GALNT13: variants seen among roughly 807,000 people sequenced by gnomAD.
The protein encoded by GALNT13 is polypeptide N-acetylgalactosaminyltransferase 13, also known as UDP-GalNAc:polypeptide N-acetylgalactosaminyltransferase 13.
Under a neutral mutation model 64.2 loss-of-function variants are expected in GALNT13, and 28 were observed. That is an observed-to-expected ratio of 0.44 (90% CI 0.32 to 0.60). GALNT13 has a LOEUF of 0.60. Ranked by LOEUF, GALNT13 falls within the 20% of genes least tolerant of loss-of-function variation. GALNT13 has a pLI of 0.05. For missense variants in GALNT13, 577 were observed against 669.8 expected (o/e 0.86, Z 1.53); for synonymous variants, 214 against 224.6 (o/e 0.95, Z 0.42).
At chr2:153,411,763 A>G in the GALNT13 span, among the ~76,000 whole-genome samples, 1 of 152,236 alleles carries the variant, frequency 6.6e-6, no homozygotes, top group Non-Finnish European at 1.5e-5. Flanking sequence ...CTGCATAAGC[A>G]TGGTAGAAAT....
the GALNT13 span, among the ~76,000 whole-genome samples, chr2:153,301,416 G>T: frequency 6.7e-6 from 1 of 150,040 alleles, no homozygotes; most frequent in African/African-American, 2.5e-5. Context: ...TTTTATTTAT[G>T]TAATTGACAA....
chr2:153,259,504 T>C, the GALNT13 span, among the ~76,000 whole-genome samples: 1 of 152,190 alleles, frequency 6.6e-6, no homozygotes, highest in Admixed American at 6.5e-5. Context: ...TCATTTTAAA[T>C]AGTAGCTCCC....
the GALNT13 span, among the ~76,000 whole-genome samples, chr2:153,854,288 TA>T: frequency 6.6e-6 from 1 of 151,606 alleles, no homozygotes; most frequent in Non-Finnish European, 1.5e-5. Context: ...TTTATATTAT[TA>T]AAAAATCAGG....
intron 3 of GALNT13, among the ~76,000 whole-genome samples, chr2:154,012,631 T>G (rs1456941652): frequency 6.6e-6 from 1 of 152,208 alleles, no homozygotes; most frequent in Non-Finnish European, 1.5e-5. Flanking sequence ...ATGAGAGAAA[T>G]TTTTGTGGAC....
chr2:153,805,102 A>T, the GALNT13 span, among the ~76,000 whole-genome samples: 1 of 152,060 alleles, frequency 6.6e-6, no homozygotes, highest in East Asian at 1.9e-4. Flanking sequence ...TATAATGTAA[A>T]TTATGAAACA....
At chr2:153,357,798 T>C in the GALNT13 span, among the ~76,000 whole-genome samples, 75 of 152,310 alleles carry the variant, frequency 4.9e-4, no homozygotes, top group Non-Finnish European at 8.5e-4. Flanking sequence ...AATTGATGCA[T>C]TTGAAAGGAA....
the GALNT13 span, among the ~76,000 whole-genome samples, chr2:153,522,772 T>A: frequency 6.6e-6 from 1 of 152,192 alleles, no homozygotes; most frequent in African/African-American, 2.4e-5. Context: ...TTAATAGATA[T>A]GTCTTTTCCA....
the GALNT13 span, among the ~76,000 whole-genome samples, chr2:153,123,302 C>T: frequency 9.9e-5 from 15 of 152,278 alleles, 1 homozygote; most frequent in South Asian, 2.7e-3. Flanking sequence ...CTTTAAACTC[C>T]TAGCCTCCAA....
chr2:154,416,644 A>G (rs994137513), intron 11 of GALNT13, among the ~76,000 whole-genome samples: 1 of 152,296 alleles, frequency 6.6e-6, no homozygotes, highest in Middle Eastern at 3.4e-3. Flanking sequence ...CACTTTGGCT[A>G]GCTTTTTGGG....
At chr2:153,194,886 G>A in the GALNT13 span, among the ~76,000 whole-genome samples, 1 of 152,330 alleles carries the variant, frequency 6.6e-6, no homozygotes, top group African/African-American at 2.4e-5. Context: ...GGCTTTAGCT[G>A]CACTTGTTAG....
the GALNT13 span, among the ~76,000 whole-genome samples, chr2:153,178,680 A>C: frequency 1.4e-5 from 2 of 140,332 alleles, no homozygotes; most frequent in Admixed American, 7.0e-5. Context: ...GTGATGTTTC[A>C]TTTCTTGTAC....
At chr2:154,021,309 A>G (rs1364360805) in intron 3 of GALNT13, among the ~76,000 whole-genome samples, 3 of 152,204 alleles carry the variant, frequency 2.0e-5, no homozygotes, top group Non-Finnish European at 2.9e-5. Flanking sequence ...CCATTTTCAC[A>G]GTATTGATTC....
At chr2:154,310,439 A>G (rs1331852652) in intron 9 of GALNT13, among the ~76,000 whole-genome samples, 2 of 152,124 alleles carry the variant, frequency 1.3e-5, no homozygotes, top group Non-Finnish European at 2.9e-5. Context: ...ACACATATTC[A>G]TATATATAAA....
At chr2:154,261,378 T>A (rs1325186849) in intron 8 of GALNT13, among the ~76,000 whole-genome samples, 1 of 152,198 alleles carries the variant, frequency 6.6e-6, no homozygotes, top group Admixed American at 6.5e-5. Context: ...ATTTTGCTTT[T>A]TATTAGACTC....
the GALNT13 span, among the ~76,000 whole-genome samples, chr2:153,791,677 T>C: frequency 6.6e-6 from 1 of 152,124 alleles, no homozygotes; most frequent in Non-Finnish European, 1.5e-5. Context: ...TCAACCTAAA[T>C]GCCCATCAGT....
chr2:154,240,082 A>G (rs909392932), intron 4 of GALNT13, among the ~76,000 whole-genome samples: 24 of 152,204 alleles, frequency 1.6e-4, no homozygotes, highest in African/African-American at 4.6e-4. Context: ...CAGGTGAATA[A>G]ACTTCTGTTT....
At chr2:153,103,606 G>A in the GALNT13 span, among the ~76,000 whole-genome samples, 35 of 152,354 alleles carry the variant, frequency 2.3e-4, 1 homozygote, top group South Asian at 2.1e-3. Flanking sequence ...TGATGCCAAC[G>A]CTATAAATGG....
intron 3 of GALNT13, among the ~76,000 whole-genome samples, chr2:153,997,298 A>G (rs1420111921): frequency 6.6e-6 from 1 of 152,128 alleles, no homozygotes; most frequent in Non-Finnish European, 1.5e-5. Context: ...CTTCCAATCT[A>G]TAAATATGTA....
the GALNT13 span, among the ~76,000 whole-genome samples, chr2:153,733,277 T>C: frequency 6.6e-6 from 1 of 152,170 alleles, no homozygotes; most frequent in Non-Finnish European, 1.5e-5. Flanking sequence ...TCTTCATTTA[T>C]CATGTGTCCA....
Sources: allele counts gnomAD v4.1 joint callset (sites outside exome capture counted in the v4.1 genomes callset), GRCh38; gene constraint gnomAD v4.1.1; transcripts MANE v1.5; gene names NCBI Gene and HGNC (gene_info 2026-07-23, HGNC 2026-07-21).